CNTLN: variants seen among roughly 807,000 people sequenced by gnomAD.
The protein encoded by CNTLN is centlein.
Under a neutral mutation model 180.0 loss-of-function variants are expected in CNTLN, and 212 were observed. The observed-to-expected ratio is 1.18, with a 90% CI of 1.05 to 1.32. The LOEUF is 1.32. Ranked by LOEUF, CNTLN falls within the 40% of genes most tolerant of loss-of-function variation. The probability of loss-of-function intolerance (pLI) is 0.00; values close to 1 mark genes in which losing one functional copy is unlikely to be tolerated. For synonymous variants in CNTLN, 722 were observed against 563.1 expected, an observed-to-expected ratio of 1.28 and a Z score of -3.99; for missense variants, 2,095 against 1,610.9, an observed-to-expected ratio of 1.30 and a Z score of -5.14.
chr9:17,245,431 G>A (rs925935716), intron 5 of CNTLN, among the ~76,000 whole-genome samples: 2 of 143,430 alleles, frequency 1.4e-5, no homozygotes, highest in African/African-American at 5.1e-5. Context: ...TCCATTGTAT[G>A]TTATTTGTGT....
chr9:17,257,459 C>A (rs909578192), intron 5 of CNTLN, among the ~76,000 whole-genome samples: 1 of 151,872 alleles, frequency 6.6e-6, no homozygotes, highest in Non-Finnish European at 1.5e-5. Context: ...GTCTTTATAG[C>A]AGCATGATTT....
intron 15 of CNTLN, among the ~76,000 whole-genome samples, chr9:17,397,581 A>G (rs1184599640): frequency 1.3e-5 from 2 of 152,190 alleles, no homozygotes; most frequent in Non-Finnish European, 2.9e-5. Context: ...CTGTTTCATC[A>G]GCAAGGTCTT....
chr9:17,509,255 C>G, the CNTLN span, among the ~76,000 whole-genome samples: 6 of 152,176 alleles, frequency 3.9e-5, no homozygotes, highest in African/African-American at 1.4e-4. Context: ...GGCACCATTT[C>G]CTGGGGGTGA....
At chr9:17,507,799 T>C (rs1341426740), downstream of CNTLN, among the ~76,000 whole-genome samples, 2 of 152,226 alleles carry the variant, frequency 1.3e-5, no homozygotes, top group Non-Finnish European at 2.9e-5. Context: ...CAAACACTTC[T>C]GCGCATAGTC....
chr9:17,279,415 A>T (rs771243788), intron 6 of CNTLN, among the ~76,000 whole-genome samples: 4 of 152,074 alleles, frequency 2.6e-5, no homozygotes, highest in Non-Finnish European at 5.9e-5. Context: ...TTGGCATCCA[A>T]TTTAGCCATG....
intron 13 of CNTLN, among the ~76,000 whole-genome samples, chr9:17,382,014 A>G (rs1320144789): frequency 6.6e-6 from 1 of 152,200 alleles, no homozygotes; most frequent in Non-Finnish European, 1.5e-5. Context: ...AGGGATCTGT[A>G]CTGCATCCAT....
At chr9:17,232,121 GC>G (rs1355610496) in intron 3 of CNTLN, among the ~76,000 whole-genome samples, 1 of 151,926 alleles carries the variant, frequency 6.6e-6, no homozygotes, top group African/African-American at 2.4e-5. Flanking sequence ...ATATGTCTGT[GC>G]TTTCATTATT....
rs191297907 is a variant in CNTLN, at chr9:17,305,297, A to T, written c.1147-3761A>T. ...ATGATTGATACTTCTAAAGCATATA[A>T]TGTAATACGTGGTTACATTTTTATA... On this transcript the variant is annotated intron_variant, in intron 7 of 25. Coordinates refer to ENST00000380647, the MANE Select transcript of CNTLN (RefSeq NM_017738.4). Among the ~76,000 whole-genome samples the T allele has an allele frequency of 1.8e-3, 275 of 152,310 alleles. 1 individual carries two copies. The highest frequency in any genetic ancestry group is 2.3e-3 in the Non-Finnish European group (159 of 68,018).
intron 2 of CNTLN, among the ~76,000 whole-genome samples, chr9:17,150,508 A>G (rs908575380): frequency 4.6e-5 from 7 of 152,154 alleles, no homozygotes; most frequent in Non-Finnish European, 7.3e-5. Context: ...CCATTGGTCT[A>G]TATATCTGTT....
chr9:17,475,611 G>A (rs1004669113), intron 23 of CNTLN, among the ~76,000 whole-genome samples: 2 of 151,914 alleles, frequency 1.3e-5, no homozygotes, highest in Non-Finnish European at 2.9e-5. Context: ...AGTGGCTCAC[G>A]TCTGTAATCC....
At chr9:17,321,709 G>A (rs909262568) in intron 8 of CNTLN, among the ~76,000 whole-genome samples, 1 of 152,144 alleles carries the variant, frequency 6.6e-6, no homozygotes, top group Admixed American at 6.5e-5. Context: ...TCTGATTGTA[G>A]TACCTTTACT....
chr9:17,242,955 C>T (rs894834789), intron 5 of CNTLN, among the ~76,000 whole-genome samples: 5 of 152,032 alleles, frequency 3.3e-5, no homozygotes, highest in African/African-American at 7.2e-5. Flanking sequence ...TAGAAATCAG[C>T]GGTGAAGCTG....
intron 12 of CNTLN, among the ~76,000 whole-genome samples, chr9:17,351,347 A>G (rs1417553016): frequency 6.6e-6 from 1 of 152,182 alleles, no homozygotes; most frequent in Non-Finnish European, 1.5e-5. Flanking sequence ...CTGTATATCT[A>G]GCATAGAACC....
intron 25 of CNTLN, among the ~76,000 whole-genome samples, chr9:17,501,271 A>G (rs532230581): frequency 4.6e-5 from 7 of 152,358 alleles, no homozygotes; most frequent in Non-Finnish European, 8.8e-5. Flanking sequence ...ACACAGACTC[A>G]GGCTACCTTA....
intron 2 of CNTLN, among the ~76,000 whole-genome samples, chr9:17,202,049 T>C (rs2131885938): frequency 6.6e-6 from 1 of 152,246 alleles, no homozygotes; most frequent in South Asian, 2.1e-4. Flanking sequence ...GTTCTCATTG[T>C]TTTCACAGAA....
chr9:17,382,400 A>C (rs188257421), intron 13 of CNTLN, among the ~76,000 whole-genome samples: 1 of 152,194 alleles, frequency 6.6e-6, no homozygotes, highest in Non-Finnish European at 1.5e-5. Flanking sequence ...TGGTCATCCT[A>C]CTTTAACTTA....
At chr9:17,351,675 C>G (rs1242198366) in intron 12 of CNTLN, among the ~76,000 whole-genome samples, 2 of 152,144 alleles carry the variant, frequency 1.3e-5, no homozygotes, top group African/African-American at 4.8e-5. Flanking sequence ...CATACCACCA[C>G]CATTTCTTCC....
At chr9:17,356,431 T>G (rs543152591) in intron 12 of CNTLN, among the ~76,000 whole-genome samples, 3 of 152,210 alleles carry the variant, frequency 2.0e-5, no homozygotes, top group Non-Finnish European at 4.4e-5. Context: ...CTATGGTCAA[T>G]TATATTCCTC....
rs1821570302 is a variant in CNTLN, at chr9:17,342,573, GAAAAAAAGACTAGCTTTT to G, written c.1886+135_1886+152del. On this transcript the variant is annotated intron_variant, in intron 12 of 25. Transcript: ENST00000380647. ...TCTGATTTTTGCCAATAAAAGTAAA[GAAAAAAAGACTAGCTTTT>G]AAAAATATATATATGTATTATGCAA... 6.4e-6 allele frequency: 5 copies of G among 784,866 alleles called. No individual in the cohort carries two copies. In the South Asian group the frequency reaches 1.1e-4, roughly 17 times the overall value. 48.6% of individuals were successfully genotyped at this position (784,866 alleles called of 1,614,324 possible).
Sources: allele counts gnomAD v4.1 joint callset (sites outside exome capture counted in the v4.1 genomes callset), GRCh38; gene constraint gnomAD v4.1.1; transcripts MANE v1.5; gene names NCBI Gene and HGNC (gene_info 2026-07-23, HGNC 2026-07-21).